CGGBP1: variants seen among roughly 807,000 people sequenced by gnomAD.
CGGBP1 encodes the protein CGG triplet repeat binding protein 1, also known as CGG triplet repeat-binding protein 1.
CGGBP1 carries 4 observed loss-of-function variants against 11.4 expected under a neutral mutation model. The ratio of observed to expected loss-of-function variants is 0.35; its 90% CI spans 0.17 to 0.80. CGGBP1 has a LOEUF of 0.80. Ranked by LOEUF, CGGBP1 falls within the 30% of genes least tolerant of loss-of-function variation. The probability of loss-of-function intolerance (pLI) is 0.52; values close to 1 mark genes in which losing one functional copy is unlikely to be tolerated. For missense variants in CGGBP1, 135 were observed against 202.1 expected (o/e 0.67, Z 2.01); for synonymous variants, 76 against 74.1 (o/e 1.03, Z -0.13).
chr3:88,113,746 A>T (rs1443384722), intron 2 of CGGBP1, among the ~76,000 whole-genome samples: 1 of 152,112 alleles, frequency 6.6e-6, no homozygotes, highest in Non-Finnish European at 1.5e-5. Context: ...GAAGTAAAGG[A>T]AGATGTACTT....
chr3:88,075,373 T>C (rs1216953075), intron 2 of CGGBP1, among the ~76,000 whole-genome samples: 5 of 152,254 alleles, frequency 3.3e-5, no homozygotes. Context: ...TTGTGCTACC[T>C]GGGCTGTTGC....
At chr3:88,097,818 G>A (rs543270471) in intron 2 of CGGBP1, among the ~76,000 whole-genome samples, 2 of 152,246 alleles carry the variant, frequency 1.3e-5, no homozygotes, top group East Asian at 1.9e-4. Context: ...GAATATCTGC[G>A]ACACATTTAA....
intron 2 of CGGBP1, among the ~76,000 whole-genome samples, chr3:88,125,129 C>T (rs920579710): frequency 9.2e-5 from 14 of 151,540 alleles, no homozygotes; most frequent in Admixed American, 7.9e-4. Context: ...GCAGGAGAAT[C>T]GCTTGAACCT....
intron 2 of CGGBP1, among the ~76,000 whole-genome samples, chr3:88,069,567 T>A (rs1174466029): frequency 6.6e-6 from 1 of 152,194 alleles, no homozygotes; most frequent in East Asian, 1.9e-4. Context: ...AACAGGACAA[T>A]GTTTGCTTAC....
At chr3:88,125,830 T>C (rs1374897916) in intron 2 of CGGBP1, among the ~76,000 whole-genome samples, 1 of 152,216 alleles carries the variant, frequency 6.6e-6, no homozygotes, top group African/African-American at 2.4e-5. Flanking sequence ...ACTGAACATT[T>C]AAGTTTCAGT....
intron 2 of CGGBP1, among the ~76,000 whole-genome samples, chr3:88,090,946 C>T (rs1708600265): frequency 1.3e-5 from 2 of 152,352 alleles, no homozygotes; most frequent in South Asian, 4.1e-4. Flanking sequence ...CCATCTTGGG[C>T]TGCATGCAGG....
chr3:88,138,689 A>G, intron 2 of CGGBP1: 2 of 1,227,670 alleles, frequency 1.6e-6, no homozygotes, highest in Non-Finnish European at 2.0e-6. Context: ...TAGCACTAAT[A>G]TTTTTCTTTT....
rs1705622509 is a variant in CGGBP1, at chr3:88,119,390, TGGGGGGAG to T, written c.-229+21572_-229+21579del. Among the ~76,000 whole-genome samples the T allele has an allele frequency of 4.8e-5, 2 of 41,962 alleles. 1 individual carries two copies. Among genetic ancestry groups the T allele is most frequent in the South Asian group, 2.8e-3 (2 of 706 alleles). The allele number at this position is 41,962 out of a possible 152,430, so 27.5% of individuals were successfully genotyped here. A position where few individuals can be genotyped will look rare whatever the true frequency, so the allele number is the denominator to read the frequency against. ...TCACACTCTGGGGACTGTTGTGGGG[TGGGGGGAG>T]GGGGGAGGGGGGAGGGATAGCATTG... On this transcript the variant is annotated intron_variant, in intron 2 of 3. Coordinates refer to the CGGBP1 transcript ENST00000462901.
chr3:88,082,222 G>A (rs1471907617), intron 2 of CGGBP1, among the ~76,000 whole-genome samples: 1 of 152,012 alleles, frequency 6.6e-6, no homozygotes, highest in Non-Finnish European at 1.5e-5. Flanking sequence ...TGCCTCCCGG[G>A]TTCAAGTGAT....
intron 2 of CGGBP1, among the ~76,000 whole-genome samples, chr3:88,108,545 C>T (rs1174200041): frequency 6.6e-6 from 1 of 152,140 alleles, no homozygotes; most frequent in African/African-American, 2.4e-5. Flanking sequence ...AAATTGCAAG[C>T]TATTCTGAGT....
At chr3:88,138,792 C>T (rs1706957139) in intron 2 of CGGBP1, 3 of 1,231,882 alleles carry the variant, frequency 2.4e-6, no homozygotes, top group Admixed American at 8.4e-5. Flanking sequence ...AACTAAATGT[C>T]TAATTTATAA....
At chr3:88,062,348 A>G (rs1278505878), upstream of CGGBP1, among the ~76,000 whole-genome samples, 1 of 152,208 alleles carries the variant, frequency 6.6e-6, no homozygotes, top group Non-Finnish European at 1.5e-5. Flanking sequence ...TTCTGCTGAA[A>G]AGCAGTAAGT....
At chr3:88,126,460 A>C (rs1004118714) in intron 2 of CGGBP1, among the ~76,000 whole-genome samples, 1 of 151,888 alleles carries the variant, frequency 6.6e-6, no homozygotes, top group African/African-American at 2.4e-5. Flanking sequence ...GGATCGGTAC[A>C]TTTATTTCTT....
At chr3:88,119,121 A>T (rs1453682643) in intron 2 of CGGBP1, among the ~76,000 whole-genome samples, 1 of 148,738 alleles carries the variant, frequency 6.7e-6, no homozygotes, top group East Asian at 2.0e-4. Context: ...AATAGCAAAG[A>T]CTTGGAACCA....
rs534452100 is a variant in CGGBP1, at chr3:88,113,505, A to G, written c.-229+27465T>C. ...GATTCTTCTTTGCCAGACTTGAAGTAAGCTGTCTATCCCATGCCACTTTTT... is the reference window on the plus strand; with the variant it reads ...GATTCTTCTTTGCCAGACTTGAAGTGAGCTGTCTATCCCATGCCACTTTTT... On this transcript the variant is annotated intron_variant, in intron 2 of 3. Coordinates refer to the CGGBP1 transcript ENST00000462901. 1.4e-3 allele frequency among the ~76,000 whole-genome samples: 210 copies of G among 152,268 alleles called. 2 individuals are homozygous for G. Among genetic ancestry groups the G allele is most frequent in the African/African-American group, 4.8e-3 (198 of 41,568 alleles).
chr3:88,063,305 G>A (rs1706993578), upstream of CGGBP1, among the ~76,000 whole-genome samples: 1 of 152,086 alleles, frequency 6.6e-6, no homozygotes, highest in Non-Finnish European at 1.5e-5. Context: ...CCTTTTATGC[G>A]TAATGCCGAT....
rs114335649 is a variant in CGGBP1 at position 88,121,735 on chromosome 3, A to G, written c.-229+19235T>C. Reference sequence around the variant, plus strand: ...CTCATTTCAAAGTATTATAAAGACTACTGTATTTCAAAGATTACGTTTTTA... The same window carrying G: ...CTCATTTCAAAGTATTATAAAGACTGCTGTATTTCAAAGATTACGTTTTTA... On this transcript the variant is annotated intron_variant, in intron 2 of 3. Transcript: ENST00000462901. 2.8e-3 allele frequency among the ~76,000 whole-genome samples: 428 copies of G among 152,316 alleles called. 3 individuals are homozygous for G. The highest frequency in any genetic ancestry group is 9.2e-3 in the African/African-American group (383 of 41,580).
chr3:88,135,190 C>A, intron 2 of CGGBP1: 1 of 1,485,292 alleles, frequency 6.7e-7, no homozygotes, highest in Non-Finnish European at 8.9e-7. Context: ...TCATGAAAAT[C>A]ATCAAAGATG....
upstream of CGGBP1, chr3:88,059,598 C>T (rs1706723962): frequency 7.1e-7 from 1 of 1,415,422 alleles, no homozygotes; most frequent in Non-Finnish European, 9.2e-7. Context: ...GGTCTATGTC[C>T]AGTGCCCGCT....
Sources: allele counts gnomAD v4.1 joint callset (sites outside exome capture counted in the v4.1 genomes callset), GRCh38; gene constraint gnomAD v4.1.1; transcripts MANE v1.5; gene names NCBI Gene and HGNC (gene_info 2026-07-23, HGNC 2026-07-21).